The following LEPROTL1 variants were observed in gnomAD, a reference collection of about 807,000 sequenced individuals.
LEPROTL1 encodes leptin receptor overlapping transcript like 1.
In LEPROTL1, 6 loss-of-function variants were observed where a neutral mutation model predicts 15.4. The observed-to-expected ratio is 0.39, with a 90% CI of 0.21 to 0.77. The LOEUF (loss-of-function observed/expected upper bound fraction) is 0.77, where lower values mean the gene tolerates loss of function less well. Ranked by LOEUF, LEPROTL1 falls within the 30% of genes least tolerant of loss-of-function variation. LEPROTL1 has a pLI of 0.41. For missense variants in LEPROTL1, 128 were observed against 158.1 expected (o/e 0.81, Z 1.02); for synonymous variants, 56 against 52.6 (o/e 1.06, Z -0.28).
At chr8:30,119,432 C>T (rs1428967138) in intron 3 of LEPROTL1, among the ~76,000 whole-genome samples, 4 of 152,204 alleles carry the variant, frequency 2.6e-5, no homozygotes, top group African/African-American at 4.8e-5. Flanking sequence ...CCTGTGTCCT[C>T]ACACAGAAGT....
chr8:30,130,776 A>AT (rs1306742415), intron 3 of LEPROTL1, among the ~76,000 whole-genome samples: 1 of 108,582 alleles, frequency 9.2e-6, no homozygotes, highest in Non-Finnish European at 2.1e-5. Context: ...AATTTTCAAA[A>AT]AAAAATTTTT....
intron 2 of LEPROTL1, 35 bp from the exon 3 acceptor site, chr8:30,104,265 G>T (rs779057882): frequency 1.5e-6 from 2 of 1,312,772 alleles, no homozygotes; most frequent in East Asian, 5.1e-5. Context: ...AAATGACATA[G>T]CAAAAATTAC....
chr8:30,121,262 G>A (rs1196458078), intron 3 of LEPROTL1, among the ~76,000 whole-genome samples: 3 of 150,758 alleles, frequency 2.0e-5, no homozygotes, highest in African/African-American at 7.3e-5. Flanking sequence ...TTTTGTTTTT[G>A]TTTTTTTTGA....
At chr8:30,113,335 C>T (rs1272355952), downstream of LEPROTL1, among the ~76,000 whole-genome samples, 1 of 152,002 alleles carries the variant, frequency 6.6e-6, no homozygotes, top group Non-Finnish European at 1.5e-5. Flanking sequence ...GAAGGGGAAG[C>T]CTTGGTGGAT....
intron 3 of LEPROTL1, among the ~76,000 whole-genome samples, chr8:30,125,174 A>C (rs777122815): frequency 2.0e-5 from 3 of 152,260 alleles, no homozygotes; most frequent in African/African-American, 4.8e-5. Context: ...GAACCAAGTA[A>C]GACAAAAATA....
At chr8:30,137,692 G>A in exon 5 of LEPROTL1, 1 of 583,584 alleles carries the variant, frequency 1.7e-6, no homozygotes, top group Non-Finnish European at 3.0e-6. Flanking sequence ...GTTCATTCCC[G>A]GGACTCATTT....
At chr8:30,117,567 T>G (rs1802760414) in intron 3 of LEPROTL1, 3 of 1,369,062 alleles carry the variant, frequency 2.2e-6, no homozygotes. Context: ...TCCACACTTG[T>G]TTAGCCTGTC....
chr8:30,109,154 G>C (rs1802618077), downstream of LEPROTL1, among the ~76,000 whole-genome samples: 1 of 152,120 alleles, frequency 6.6e-6, no homozygotes, highest in Non-Finnish European at 1.5e-5. Context: ...TTAAGTTTCA[G>C]ATAACTTTTA....
intron 3 of LEPROTL1, among the ~76,000 whole-genome samples, chr8:30,123,200 G>A (rs1511167): frequency 0.12 from 17,835 of 152,138 alleles, 1,262 homozygotes; most frequent in East Asian, 0.23. Flanking sequence ...AAGAAAACCA[G>A]TCAGAAGTGT....
intron 1 of LEPROTL1, among the ~76,000 whole-genome samples, chr8:30,100,589 A>G (rs1802449652): frequency 6.6e-6 from 1 of 152,186 alleles, no homozygotes; most frequent in Admixed American, 6.5e-5. Flanking sequence ...AGCTGGGACT[A>G]CAGGCATGTG....
At chr8:30,134,354 C>T (rs897806663) in intron 4 of LEPROTL1, among the ~76,000 whole-genome samples, 1 of 151,146 alleles carries the variant, frequency 6.6e-6, no homozygotes, top group East Asian at 2.0e-4. Flanking sequence ...ACCTGGGAGG[C>T]GGAGGTTGCA....
At chr8:30,136,403 A>G (rs1331160115) in intron 4 of LEPROTL1, among the ~76,000 whole-genome samples, 1 of 152,176 alleles carries the variant, frequency 6.6e-6, no homozygotes. Context: ...AGCCCTGCTG[A>G]CGTCATCATC....
intron 3 of LEPROTL1, among the ~76,000 whole-genome samples, chr8:30,130,772 C>CA (rs1259974060): frequency 3.3e-4 from 42 of 128,034 alleles, no homozygotes; most frequent in East Asian, 6.8e-4. Context: ...TTCAAATTTT[C>CA]AAAAAAAAAT....
At chr8:30,120,410 T>C (rs577244614) in intron 3 of LEPROTL1, among the ~76,000 whole-genome samples, 7 of 152,268 alleles carry the variant, frequency 4.6e-5, no homozygotes, top group African/African-American at 1.4e-4. Context: ...TTGTAAAATA[T>C]AAAGAGGGCA....
Position 30,106,989 on chromosome 8 carries a change from T to A in LEPROTL1, c.*1127T>A, listed in dbSNP as rs1802578556. 1.0e-6 allele frequency: 1 copy of A among 985,282 alleles called. No individual in the cohort carries two copies. Among genetic ancestry groups the A allele is most frequent in the South Asian group, 4.7e-5 (1 of 21,280 alleles). 61.0% of individuals were successfully genotyped at this position (985,282 alleles called of 1,614,324 possible). A position where few individuals can be genotyped will look rare whatever the true frequency, so the allele number is the denominator to read the frequency against. ...GGCCTTGCCATGATTAACAAGTAAC[T>A]TGTTAGTCTTACAGATAATTCATGC... is the stretch of plus-strand genomic sequence containing the variant. On this transcript the variant is annotated 3_prime_UTR_variant, in exon 4 of 4. Coordinates refer to ENST00000321250, the MANE Select transcript of LEPROTL1 (RefSeq NM_015344.3).
At chr8:30,110,351 T>G (rs1802635003), downstream of LEPROTL1, among the ~76,000 whole-genome samples, 1 of 152,142 alleles carries the variant, frequency 6.6e-6, no homozygotes, top group Admixed American at 6.6e-5. Flanking sequence ...AGTTTTGTAT[T>G]TAGAGGCAGT....
intron 3 of LEPROTL1, among the ~76,000 whole-genome samples, chr8:30,119,300 T>G (rs1441318361): frequency 2.0e-5 from 3 of 152,198 alleles, no homozygotes; most frequent in Non-Finnish European, 4.4e-5. Flanking sequence ...AAGCAGTTGT[T>G]CAGGGTACAG....
In LEPROTL1 at chr8:30,106,022, A is replaced by T. The variant is rs1802560032; in HGVS notation, c.*160A>T. The T allele has an allele frequency of 2.5e-6, 3 of 1,215,464 alleles. No individual in the cohort carries two copies. In the South Asian group the frequency reaches 8.8e-5, roughly 36 times the overall value. 75.3% of individuals were successfully genotyped at this position (1,215,464 alleles called of 1,614,324 possible). On this transcript the variant is annotated 3_prime_UTR_variant, in exon 4 of 4. Transcript: ENST00000321250. ...TTTATTGTAAGCATACTATTTTCACAGAGACTTGCTGAAGGATTAAAAGGA... is the reference window on the plus strand; with the variant it reads ...TTTATTGTAAGCATACTATTTTCACTGAGACTTGCTGAAGGATTAAAAGGA...
chr8:30,138,029 G>A (rs996442123), downstream of LEPROTL1: 2 of 172,056 alleles, frequency 1.2e-5, no homozygotes, highest in African/African-American at 2.4e-5. Flanking sequence ...CCACCCAGGA[G>A]CTGACTCAAT....
Sources: gnomAD v4.1 joint callset for allele counts (sites outside exome capture counted in the v4.1 genomes callset) on GRCh38, gnomAD v4.1.1 for gene constraint, MANE v1.5 for transcripts, NCBI Gene and HGNC (gene_info 2026-07-23, HGNC 2026-07-21) for gene names.